The following OSBPL5 variants were observed in gnomAD, a reference collection of about 807,000 sequenced individuals.
OSBPL5 encodes oxysterol binding protein like 5.
Under a neutral mutation model 111.2 loss-of-function variants are expected in OSBPL5, and 71 were observed. That is an observed-to-expected ratio of 0.64 (90% CI 0.53 to 0.78). The LOEUF (loss-of-function observed/expected upper bound fraction) is 0.78. Ranked by LOEUF, OSBPL5 falls within the 30% of genes least tolerant of loss-of-function variation. OSBPL5 has a pLI of 0.00. For synonymous variants in OSBPL5, 549 were observed against 513.9 expected (o/e 1.07, Z -0.93); for missense variants, 1,210 against 1,189.3 (o/e 1.02, Z -0.26).
At chr11:3,137,874 C>T (rs1411308260) in intron 1 of OSBPL5, among the ~76,000 whole-genome samples, 2 of 152,240 alleles carry the variant, frequency 1.3e-5, no homozygotes, top group Non-Finnish European at 2.9e-5. Context: ...CCAGGCTGCG[C>T]CTGGGATCCC....
chr11:3,097,030 AG>A (rs1564824643), intron 14 of OSBPL5, among the ~76,000 whole-genome samples: 1 of 102,116 alleles, frequency 9.8e-6, no homozygotes, highest in East Asian at 3.3e-4. Flanking sequence ...GGGGGAGGAG[AG>A]GAAAGAGGGA....
intron 1 of OSBPL5, among the ~76,000 whole-genome samples, chr11:3,164,909 G>C (rs922319568): frequency 6.6e-6 from 1 of 151,960 alleles, no homozygotes; most frequent in Non-Finnish European, 1.5e-5. Flanking sequence ...AGCCGAGCTG[G>C]GCGCGCCGCT....
intron 1 of OSBPL5, among the ~76,000 whole-genome samples, chr11:3,133,171 A>T (rs1845858898): frequency 6.6e-6 from 1 of 152,242 alleles, no homozygotes; most frequent in African/African-American, 2.4e-5. Context: ...GAAAGTTGGC[A>T]TCTGCAGGGT....
At chr11:3,134,575 T>C (rs540478989) in intron 1 of OSBPL5, among the ~76,000 whole-genome samples, 10 of 152,318 alleles carry the variant, frequency 6.6e-5, no homozygotes, top group Admixed American at 2.6e-4. Context: ...CAGCCGCTCT[T>C]CTCAGTCATG....
At position 3,114,233 on chromosome 11, in the gene OSBPL5, G is replaced by A. The variant is rs188405164; in HGVS notation, c.691+5314C>T. Among the ~76,000 whole-genome samples, 101 of 152,088 alleles carry A rather than the reference G, an allele frequency of 6.6e-4. 1 individual carries two copies. Among genetic ancestry groups the A allele is most frequent in the African/African-American group, 1.9e-3 (79 of 41,462 alleles). On this transcript the variant is annotated intron_variant, in intron 7 of 21. Coordinates refer to ENST00000263650, the MANE Select transcript of OSBPL5 (RefSeq NM_020896.4). ...AGATCATGTATAAAACAAGGTAAAA[G>A]GAACCAGGAAATAAAAGAGTAAAAG...
intron 1 of OSBPL5, among the ~76,000 whole-genome samples, chr11:3,132,665 G>A (rs1171760215): frequency 5.3e-5 from 8 of 151,970 alleles, no homozygotes; most frequent in Non-Finnish European, 1.2e-4. Flanking sequence ...CACATGGCCC[G>A]GTCCTCCTCA....
chr11:3,107,926 G>A lies in OSBPL5; in HGVS notation c.711C>T (p.Ala237=), dbSNP rs768936167. 1 of 1,600,438 alleles carries A rather than the reference G, an allele frequency of 6.2e-7. No homozygotes were observed. Among genetic ancestry groups the A allele is most frequent in the African/African-American group, 1.3e-5 (1 of 75,004 alleles). Residue 237 remains alanine, a synonymous_variant, in exon 8 of 22, where the codon GCC becomes GCT. Transcript: ENST00000263650. The surrounding 1 kb of genome is among the most constrained non-coding windows in gnomAD (Gnocchi z 6.1). The part of the protein sequence containing the change: ...SESDGRCWLD[A]LELALRCSSL... ...TAGAGCAGCGCAGGGCCAGCTCCAG[G>A]GCGTCCAGCCAGCAGCGACCTGCGG...
chr11:3,091,832 C>A (rs1406188639), intron 19 of OSBPL5, among the ~76,000 whole-genome samples: 1 of 152,178 alleles, frequency 6.6e-6, no homozygotes, highest in African/African-American at 2.4e-5. Flanking sequence ...GGGGAACACG[C>A]CCCCATCCTG....
intron 1 of OSBPL5, among the ~76,000 whole-genome samples, chr11:3,148,168 G>A (rs1197575876): frequency 6.6e-6 from 1 of 152,204 alleles, no homozygotes; most frequent in Non-Finnish European, 1.5e-5. Flanking sequence ...GTACAGCCGG[G>A]ACTCCCCGGG....
At position 3,119,676 on chromosome 11, in the gene OSBPL5, G is replaced by A. The variant is rs1564842039; in HGVS notation, c.607-45C>T. ...GGTGTCACCCGAGGCAACACCCAGG[G>A]CCAGCTGCACAGATAGGTCAGGCAG... On this transcript the variant is annotated intron_variant, in intron 6 of 21. Coordinates refer to ENST00000263650, the MANE Select transcript of OSBPL5 (RefSeq NM_020896.4). The A allele has an allele frequency of 1.9e-6, 3 of 1,546,226 alleles. No homozygotes were observed. In the East Asian group the frequency reaches 7.5e-5, roughly 39 times the overall value.
Position 3,140,641 on chromosome 11 carries a change from CG to C in OSBPL5, c.-21-11473del, listed in dbSNP as rs1343519865. On this transcript the variant is annotated intron_variant, in intron 1 of 21. Coordinates refer to ENST00000263650, the MANE Select transcript of OSBPL5 (RefSeq NM_020896.4). This position sits in a 1 kb window ranked among gnomAD's most constrained non-coding sequence, Gnocchi z 4.5. Reference sequence around the variant, plus strand: ...CACCAGTGGACAGGCATCGTCGTCCCGGCTCCCCTCTGTCCCCCAGCTCACA... The same window carrying C: ...CACCAGTGGACAGGCATCGTCGTCCCGCTCCCCTCTGTCCCCCAGCTCACA... Among the ~76,000 whole-genome samples the C allele has an allele frequency of 1.3e-5, 2 of 152,142 alleles. No individual in the cohort carries two copies. The highest frequency in any genetic ancestry group is 4.8e-5 in the African/African-American group (2 of 41,420).
chr11:3,106,003 G>A lies in OSBPL5; in HGVS notation c.1059+1260C>T, dbSNP rs553808030. ...GGCCCAGTGTCCACCCCCGCCCCTCGGCTGTCCCGAGGCCCTTGCCTAACC... is the reference window on the plus strand; with the variant it reads ...GGCCCAGTGTCCACCCCCGCCCCTCAGCTGTCCCGAGGCCCTTGCCTAACC... On this transcript the variant is annotated intron_variant, in intron 9 of 21. Coordinates refer to ENST00000263650, the MANE Select transcript of OSBPL5 (RefSeq NM_020896.4). The surrounding 1 kb of genome is among the most constrained non-coding windows in gnomAD (Gnocchi z 8.4). Among the ~76,000 whole-genome samples the A allele has an allele frequency of 8.5e-5, 13 of 152,076 alleles. No individual in the cohort carries two copies. Among genetic ancestry groups the A allele is most frequent in the African/African-American group, 2.4e-4 (10 of 41,474 alleles).
At chr11:3,114,259 A>G (rs1056101266) in intron 7 of OSBPL5, among the ~76,000 whole-genome samples, 1 of 152,158 alleles carries the variant, frequency 6.6e-6, no homozygotes, top group Non-Finnish European at 1.5e-5. Flanking sequence ...AGAGTAAAAG[A>G]GATGTAAAGA....
intron 7 of OSBPL5, among the ~76,000 whole-genome samples, chr11:3,118,074 T>A (rs1468561781): frequency 6.6e-6 from 1 of 152,190 alleles, no homozygotes; most frequent in Non-Finnish European, 1.5e-5. Flanking sequence ...GAATAAACCA[T>A]CCTAGCCATG....
At chr11:3,103,868 C>CTTCCTGCCTCTGCAGCCCCA (rs1857595156) in intron 10 of OSBPL5, among the ~76,000 whole-genome samples, 2 of 64,742 alleles carry the variant, frequency 3.1e-5, no homozygotes, top group Non-Finnish European at 6.7e-5. Context: ...GCGCAGCCCC[C>CTTCCTGCCTCTGCAGCCCCA]TTCCTGCCTC....
chr11:3,154,621 G>T lies in OSBPL5; in HGVS notation c.-22+10595C>A, dbSNP rs901078278. On this transcript the variant is annotated intron_variant, in intron 1 of 21. Transcript: ENST00000263650. This position sits in a 1 kb window ranked among gnomAD's most constrained non-coding sequence, Gnocchi z 4.9. ...GGGCAAATGCTGGGCCCTCACAGGG[G>T]ATAAAAACAGAACCCACTGACGAGA... is the stretch of plus-strand genomic sequence containing the variant. Among the ~76,000 whole-genome samples the T allele has an allele frequency of 1.3e-5, 2 of 152,184 alleles. 1 individual carries two copies. Among genetic ancestry groups the T allele is most frequent in the Non-Finnish European group, 2.9e-5 (2 of 68,028 alleles).
intron 1 of OSBPL5, among the ~76,000 whole-genome samples, chr11:3,157,424 C>T (rs1248482873): frequency 6.6e-6 from 1 of 152,192 alleles, no homozygotes; most frequent in Non-Finnish European, 1.5e-5. Context: ...GGCCTGGGCA[C>T]CAAGCTAGCT....
intron 1 of OSBPL5, among the ~76,000 whole-genome samples, chr11:3,159,840 G>T (rs1256804914): frequency 2.0e-5 from 3 of 152,158 alleles, no homozygotes; most frequent in South Asian, 4.1e-4. Context: ...CAGCGCTTGT[G>T]TACAAAGACC....
At chr11:3,132,908 G>A (rs1441023074) in intron 1 of OSBPL5, among the ~76,000 whole-genome samples, 1 of 152,188 alleles carries the variant, frequency 6.6e-6, no homozygotes, top group Non-Finnish European at 1.5e-5. Flanking sequence ...CCATGTGTTT[G>A]GATTCACACA....
Sources: gnomAD v4.1 joint callset for allele counts (sites outside exome capture counted in the v4.1 genomes callset) on GRCh38, gnomAD v4.1.1 for gene constraint, Gnocchi (gnomAD v3.1) non-coding constraint, MANE v1.5 for transcripts, NCBI Gene and HGNC (gene_info 2026-07-23, HGNC 2026-07-21) for gene names.